ASB3: variants seen among roughly 807,000 people sequenced by gnomAD.
ASB3 encodes the protein ankyrin repeat and SOCS box protein 3.
In ASB3, 41 loss-of-function variants were observed where a neutral mutation model predicts 54.5. That is an observed-to-expected ratio of 0.75 (90% CI 0.59 to 0.98). The LOEUF is 0.98. Among genes scored for constraint, ASB3 ranks in the 50% least tolerant of loss-of-function variants. The pLI is 0.00. For missense variants in ASB3, 733 were observed against 620.0 expected (o/e 1.18, Z -1.94); for synonymous variants, 266 against 221.2 (o/e 1.20, Z -1.80).
intron 3 of ASB3, among the ~76,000 whole-genome samples, chr2:53,747,747 G>A (rs1672302912): frequency 6.6e-6 from 1 of 152,134 alleles, no homozygotes; most frequent in Non-Finnish European, 1.5e-5. Flanking sequence ...AGTTAAGGGG[G>A]CAGTAAATAA....
chr2:53,705,012 T>A (rs553204627), intron 7 of ASB3, among the ~76,000 whole-genome samples: 1 of 152,324 alleles, frequency 6.6e-6, no homozygotes, highest in Admixed American at 6.5e-5. Context: ...CCTACTTTGG[T>A]AAAGTTTTTT....
At chr2:53,753,216 C>T (rs552500580) in intron 2 of ASB3, among the ~76,000 whole-genome samples, 51 of 152,272 alleles carry the variant, frequency 3.3e-4, no homozygotes, top group African/African-American at 1.2e-3. Context: ...TGACTGAAAA[C>T]TGTAAGACTA....
intron 5 of ASB3, 132 bp downstream of exon 5, chr2:53,728,579 AC>A (rs1671134993): frequency 8.5e-7 from 1 of 1,178,658 alleles, no homozygotes; most frequent in Non-Finnish European, 1.1e-6. Flanking sequence ...ATTTGTATTT[AC>A]TCTTATTTAC....
chr2:53,755,987 C>CCCG (rs565579071), intron 2 of ASB3, among the ~76,000 whole-genome samples: 4 of 149,878 alleles, frequency 2.7e-5, no homozygotes, highest in Non-Finnish European at 4.5e-5. Context: ...ACCCCCCCCC[C>CCCG]ACCTCTACAA....
chr2:53,745,995 G>T (rs1037876861), intron 3 of ASB3, among the ~76,000 whole-genome samples: 1 of 152,094 alleles, frequency 6.6e-6, no homozygotes, highest in Non-Finnish European at 1.5e-5. Context: ...TCACTATATG[G>T]TTATTTAAAA....
chr2:53,732,493 T>C (rs888252422), intron 3 of ASB3, among the ~76,000 whole-genome samples: 24 of 152,180 alleles, frequency 1.6e-4, no homozygotes, highest in Non-Finnish European at 5.9e-5. Flanking sequence ...TTGTCAACAG[T>C]GATATATGAA....
chr2:53,775,362 C>CAT (rs911370913), intron 1 of ASB3, among the ~76,000 whole-genome samples: 64 of 151,778 alleles, frequency 4.2e-4, no homozygotes, highest in African/African-American at 4.1e-4. Flanking sequence ...TGTGTATATA[C>CAT]ATATATATAC....
intron 9 of ASB3, among the ~76,000 whole-genome samples, chr2:53,680,367 A>G (rs115070293): frequency 6.6e-6 from 1 of 152,308 alleles, no homozygotes; most frequent in Non-Finnish European, 1.5e-5. Flanking sequence ...TCAACAGTGT[A>G]TAAGTGTTTC....
At chr2:53,700,908 T>C (rs997373611) in intron 7 of ASB3, among the ~76,000 whole-genome samples, 14 of 152,240 alleles carry the variant, frequency 9.2e-5, no homozygotes, top group African/African-American at 3.4e-4. Context: ...TAAAACTAAA[T>C]GATTCTAGGA....
intron 2 of ASB3, among the ~76,000 whole-genome samples, chr2:53,758,504 AGCTG>A (rs1338426700): frequency 6.6e-6 from 1 of 152,216 alleles, no homozygotes; most frequent in African/African-American, 2.4e-5. Context: ...TTGATGGGGC[AGCTG>A]GGTTGTTATA....
At position 53,699,893 on chromosome 2, in the gene ASB3, C is replaced by T. The variant is rs556953752; in HGVS notation, c.1238+378G>A. ...AGTTTCAAATACACAGGATGCTGTA[C>T]GGCAGGACTATTCAGTCTGGTTGGC... On this transcript the variant is annotated intron_variant, in intron 8 of 9. Transcript: ENST00000263634. Among the ~76,000 whole-genome samples, 7 of 152,162 alleles carry T rather than the reference C, an allele frequency of 4.6e-5. No homozygotes were observed. In the South Asian group the frequency reaches 1.0e-3, roughly 23 times the overall value.
intron 2 of ASB3, among the ~76,000 whole-genome samples, chr2:53,752,080 T>C (rs904106138): frequency 1.3e-5 from 2 of 152,154 alleles, no homozygotes; most frequent in African/African-American, 2.4e-5. Context: ...ATATAGATAA[T>C]AGACATCAGT....
intron 9 of ASB3, among the ~76,000 whole-genome samples, chr2:53,686,786 G>A (rs1164656586): frequency 2.0e-5 from 3 of 151,936 alleles, no homozygotes; most frequent in African/African-American, 7.2e-5. Context: ...GCACAATCTC[G>A]GCTCACTGCA....
At chr2:53,778,567 C>T (rs1281224702) in intron 1 of ASB3, among the ~76,000 whole-genome samples, 2 of 152,188 alleles carry the variant, frequency 1.3e-5, no homozygotes, top group Admixed American at 1.3e-4. Context: ...ACCCTGGTAA[C>T]CACTGTTCTA....
At chr2:53,775,519 G>C (rs1406369757) in intron 1 of ASB3, among the ~76,000 whole-genome samples, 1 of 152,168 alleles carries the variant, frequency 6.6e-6, no homozygotes, top group African/African-American at 2.4e-5. Flanking sequence ...CTGTTGCCTA[G>C]GCTGGAGTGC....
At chr2:53,773,052 CAAA>C (rs1308411448) in intron 1 of ASB3, among the ~76,000 whole-genome samples, 2 of 152,052 alleles carry the variant, frequency 1.3e-5, no homozygotes, top group African/African-American at 2.4e-5. Context: ...CTTTAATAAA[CAAA>C]AATCAAGCAG....
chr2:53,709,731 T>C (rs1669984749), intron 7 of ASB3, among the ~76,000 whole-genome samples: 1 of 152,214 alleles, frequency 6.6e-6, no homozygotes, highest in African/African-American at 2.4e-5. Context: ...GTGAGACAGC[T>C]AGCCTCCAAG....
intron 3 of ASB3, among the ~76,000 whole-genome samples, chr2:53,730,096 T>A (rs1572923045): frequency 1.3e-5 from 2 of 152,216 alleles, no homozygotes; most frequent in Non-Finnish European, 2.9e-5. Flanking sequence ...TTCTTACTTA[T>A]GTGAACTAAA....
At chr2:53,757,888 C>A (rs1672924601) in intron 2 of ASB3, among the ~76,000 whole-genome samples, 1 of 152,234 alleles carries the variant, frequency 6.6e-6, no homozygotes, top group African/African-American at 2.4e-5. Context: ...AATCTCCAAG[C>A]CTTGGCTCCT....
Sources: gnomAD v4.1 joint callset for allele counts (sites outside exome capture counted in the v4.1 genomes callset) on GRCh38, gnomAD v4.1.1 for gene constraint, MANE v1.5 for transcripts, NCBI Gene and HGNC (gene_info 2026-07-23, HGNC 2026-07-21) for gene names.